EFHC1: variants seen among roughly 807,000 people sequenced by gnomAD.
EFHC1 encodes EF-hand domain-containing protein 1.
Under a neutral mutation model 69.9 loss-of-function variants are expected in EFHC1, and 53 were observed. The ratio of observed to expected loss-of-function variants is 0.76; its 90% CI spans 0.61 to 0.95. EFHC1 has a LOEUF of 0.95. Among genes scored for constraint, EFHC1 ranks in the 40% least tolerant of loss-of-function variants. The pLI is 0.00. For synonymous variants in EFHC1, 256 were observed against 278.4 expected (o/e 0.92, Z 0.80); for missense variants, 739 against 798.7 (o/e 0.93, Z 0.90).
At chr6:52,432,555 G>A (rs183630100) in intron 2 of EFHC1, among the ~76,000 whole-genome samples, 5 of 152,240 alleles carry the variant, frequency 3.3e-5, no homozygotes, top group African/African-American at 4.8e-5. Context: ...AGCTTGTAGG[G>A]TTTCTGCTGA....
Position 52,454,156 on chromosome 6 carries a change from A to C in EFHC1, c.785A>C (p.Tyr262Ser). ...TDSMYGECRTYIIHYYLMDDT... is the reference protein window; with the variant it reads ...TDSMYGECRTSIIHYYLMDDT... ...AGCATGTATGGTGAATGTCGGACCTACATCATTCATTACTATCTTATGGAT... is the reference window on the plus strand; with the variant it reads ...AGCATGTATGGTGAATGTCGGACCTCCATCATTCATTACTATCTTATGGAT... Residue 262 changes from tyrosine (Y) to serine (S), a missense_variant, in exon 5 of 11, where the codon TAC (tyrosine) becomes TCC (serine). Coordinates refer to ENST00000371068, the MANE Select transcript of EFHC1 (RefSeq NM_018100.4). 1 of 1,614,134 alleles carries C rather than the reference A, an allele frequency of 6.2e-7. No individual in the cohort carries two copies. The highest frequency in any genetic ancestry group is 8.5e-7 in the Non-Finnish European group (1 of 1,180,012).
At chr6:52,465,251 A>T (rs1765277212) in intron 6 of EFHC1, 136 bp downstream of exon 6, 10 of 774,358 alleles carry the variant, frequency 1.3e-5, no homozygotes, top group Non-Finnish European at 1.6e-5. Context: ...ACAAAAGAAG[A>T]AATACAAATG....
chr6:52,468,912 G>C (rs1451173972), intron 6 of EFHC1: 1 of 220,078 alleles, frequency 4.5e-6, no homozygotes, highest in Non-Finnish European at 9.1e-6. Flanking sequence ...GAAATACTCT[G>C]TTATGGATGG....
chr6:52,452,929 A>G (rs768894289), intron 4 of EFHC1, 92 bp downstream of exon 4: 5 of 1,603,858 alleles, frequency 3.1e-6, no homozygotes, highest in South Asian at 1.1e-5. Flanking sequence ...ATTGGTAACT[A>G]TTTTGAAACA....
intron 1 of EFHC1, chr6:52,420,934 A>C: frequency 4.3e-6 from 4 of 924,910 alleles, no homozygotes; most frequent in Non-Finnish European, 4.0e-6. Flanking sequence ...TGCACCTTCA[A>C]CCTCATTCCC....
At chr6:52,454,058 T>C (rs1247894443) in intron 4 of EFHC1, 37 bp from the exon 5 acceptor site, 1 of 1,611,712 alleles carries the variant, frequency 6.2e-7, no homozygotes, top group South Asian at 1.1e-5. Flanking sequence ...CTCCCTACTT[T>C]TAGGATTCTT....
At chr6:52,460,381 A>C (rs950915207) in intron 5 of EFHC1, among the ~76,000 whole-genome samples, 5 of 152,208 alleles carry the variant, frequency 3.3e-5, no homozygotes, top group Non-Finnish European at 5.9e-5. Flanking sequence ...AAGGAGAGTT[A>C]GATTATAAAA....
At chr6:52,421,535 G>A (rs865851347) in intron 1 of EFHC1, among the ~76,000 whole-genome samples, 5 of 151,976 alleles carry the variant, frequency 3.3e-5, no homozygotes, top group African/African-American at 1.2e-4. Context: ...TCAATAATGA[G>A]ATTCAGTAGA....
At chr6:52,420,516 A>G (rs768677110) in intron 1 of EFHC1, 43 bp downstream of exon 1, 1 of 1,613,220 alleles carries the variant, frequency 6.2e-7, no homozygotes, top group South Asian at 1.1e-5. Flanking sequence ...CCCACCTTCC[A>G]GCAGCCCAGG....
intron 1 of EFHC1, among the ~76,000 whole-genome samples, chr6:52,422,615 A>G (rs1000477528): frequency 1.3e-5 from 2 of 152,162 alleles, no homozygotes; most frequent in African/African-American, 4.8e-5. Flanking sequence ...ATTTTTTATG[A>G]TTAATCTTAA....
At chr6:52,480,698 G>A (rs528461908) in intron 9 of EFHC1, among the ~76,000 whole-genome samples, 1 of 152,174 alleles carries the variant, frequency 6.6e-6, no homozygotes, top group Non-Finnish European at 1.5e-5. Flanking sequence ...AGTTAGCTGG[G>A]TGGATTTCTG....
At chr6:52,472,474 G>T (rs1047933331) in intron 7 of EFHC1, among the ~76,000 whole-genome samples, 1 of 152,030 alleles carries the variant, frequency 6.6e-6, no homozygotes, top group African/African-American at 2.4e-5. Flanking sequence ...CTACATTAGG[G>T]AAGTCAATAT....
chr6:52,491,204 G>T (rs543840629), intron 10 of EFHC1, among the ~76,000 whole-genome samples: 1 of 152,248 alleles, frequency 6.6e-6, no homozygotes, highest in South Asian at 2.1e-4. Context: ...CACACATTTA[G>T]CTCCCCAAAT....
rs778852957 is a variant in EFHC1 at position 52,469,457 on chromosome 6, G to A, written c.1262G>A (p.Arg421His). 6 of 1,613,714 alleles carry A rather than the reference G, an allele frequency of 3.7e-6. No homozygotes were observed. Among genetic ancestry groups the A allele is most frequent in the African/African-American group, 1.3e-5 (1 of 74,914 alleles). Residue 421 changes from arginine (R) to histidine (H), a missense_variant, in exon 7 of 11, where the codon CGT becomes CAT. Coordinates refer to ENST00000371068, the MANE Select transcript of EFHC1 (RefSeq NM_018100.4). ...CTGGTGAATGATAACAAGGTGCTTC[G>A]TTATTTGGCTGTACTGGTGAGGCTA... is the stretch of plus-strand genomic sequence containing the variant. The part of the protein sequence containing the change: ...KMLVNDNKVL[R>H]YLAVLESPIP...
chr6:52,451,532 C>T (rs998334719), intron 3 of EFHC1, among the ~76,000 whole-genome samples: 4 of 152,124 alleles, frequency 2.6e-5, no homozygotes, highest in South Asian at 4.1e-4. Flanking sequence ...TCCCTTTGTA[C>T]GTGACCTGCC....
chr6:52,479,709 C>G lies in EFHC1; in HGVS notation c.1562C>G (p.Ala521Gly), dbSNP rs766675010. Residue 521 changes from alanine (A) to glycine (G), a missense_variant, in exon 9 of 11, where the codon GCC becomes GGC. Ala to Gly is a moderately conservative substitution (Grantham distance 60, BLOSUM62 0). Transcript: ENST00000371068. ...TTGAAATACATGGAGAGCAACGCTGCCCAGTATTCACCAGAAGCACTCGCG... is the reference window on the plus strand; with the variant it reads ...TTGAAATACATGGAGAGCAACGCTGGCCAGTATTCACCAGAAGCACTCGCG... Reference protein sequence around the residue: ...YVLKYMESNAAQYSPEALASI... With the variant: ...YVLKYMESNAGQYSPEALASI... 2 of 1,614,172 alleles carry G rather than the reference C, an allele frequency of 1.2e-6. No individual in the cohort carries two copies. The highest frequency in any genetic ancestry group is 1.7e-6 in the Non-Finnish European group (2 of 1,180,024).
At chr6:52,442,758 G>A (rs1220154256) in intron 3 of EFHC1, among the ~76,000 whole-genome samples, 4 of 152,156 alleles carry the variant, frequency 2.6e-5, no homozygotes, top group African/African-American at 9.7e-5. Context: ...ATAAACATAT[G>A]TGTGCATGTG....
intron 1 of EFHC1, chr6:52,423,558 G>A: frequency 2.4e-6 from 1 of 421,368 alleles, no homozygotes; most frequent in Non-Finnish European, 4.2e-6. Context: ...CTGGAGTGCA[G>A]TGGTTCAATC....
intron 6 of EFHC1, among the ~76,000 whole-genome samples, chr6:52,466,371 G>A (rs952036857): frequency 8.5e-5 from 13 of 152,088 alleles, no homozygotes; most frequent in Admixed American, 4.6e-4. Flanking sequence ...ACTTTTGCTT[G>A]TGCTCTTCCT....
Sources: allele counts gnomAD v4.1 joint callset (sites outside exome capture counted in the v4.1 genomes callset), GRCh38; gene constraint gnomAD v4.1.1; transcripts MANE v1.5; gene names NCBI Gene and HGNC (gene_info 2026-07-23, HGNC 2026-07-21).